The following SNTG2 variants were observed in gnomAD, a reference collection of about 807,000 sequenced individuals.
SNTG2 encodes the protein syntrophin gamma 2.
SNTG2 carries 74 observed loss-of-function variants against 70.9 expected under a neutral mutation model. The ratio of observed to expected loss-of-function variants is 1.04; its 90% CI spans 0.86 to 1.27. The LOEUF (loss-of-function observed/expected upper bound fraction) is 1.27. Ranked by LOEUF, SNTG2 falls within the 50% of genes most tolerant of loss-of-function variation. The probability of loss-of-function intolerance (pLI) is 0.00; values close to 1 mark genes in which losing one functional copy is unlikely to be tolerated. For synonymous variants in SNTG2, 278 were observed against 273.8 expected, an observed-to-expected ratio of 1.02 and a Z score of -0.15; for missense variants, 717 against 690.7, an observed-to-expected ratio of 1.04 and a Z score of -0.43.
At chr2:951,549 TGG>T (rs1659963245) in intron 1 of SNTG2, among the ~76,000 whole-genome samples, 1 of 152,216 alleles carries the variant, frequency 6.6e-6, no homozygotes, top group African/African-American at 2.4e-5. Flanking sequence ...CGGCAGGTGC[TGG>T]GGGCTCTAGG....
intron 16 of SNTG2, among the ~76,000 whole-genome samples, chr2:1,359,759 T>C (rs1434659015): frequency 3.3e-5 from 5 of 152,192 alleles, no homozygotes; most frequent in Non-Finnish European, 7.4e-5. Context: ...AATTGCGAAT[T>C]TCTATTTAGG....
chr2:979,699 G>A (rs1193691340), intron 1 of SNTG2, among the ~76,000 whole-genome samples: 2 of 152,088 alleles, frequency 1.3e-5, no homozygotes, highest in Admixed American at 1.3e-4. Context: ...TCTCAAGACC[G>A]GGAACAAATC....
rs556739984 is a variant in SNTG2 at position 1,023,446 on chromosome 2, A to G, written c.73-60072A>G. On this transcript the variant is annotated intron_variant, in intron 1 of 16. Transcript: ENST00000308624. ...TAAATTTTCTGCAGTCAGAATGTGC[A>G]AATAGTTGATGTTGTCTTTATTTTC... Among the ~76,000 whole-genome samples, 11 of 152,294 alleles carry G rather than the reference A, an allele frequency of 7.2e-5. No individual in the cohort carries two copies. The South Asian group carries it at 2.3e-3, about 32-fold the overall frequency.
intron 4 of SNTG2, among the ~76,000 whole-genome samples, chr2:1,115,574 A>G (rs1666902490): frequency 6.6e-6 from 1 of 151,044 alleles, no homozygotes. Flanking sequence ...AATCTTGTGT[A>G]CTAAGTGAGG....
chr2:957,642 A>G (rs1304561308), intron 1 of SNTG2, among the ~76,000 whole-genome samples: 2 of 152,010 alleles, frequency 1.3e-5, no homozygotes, highest in African/African-American at 4.8e-5. Flanking sequence ...GGCAGCTACA[A>G]TGTGTTCCCT....
intron 2 of SNTG2, among the ~76,000 whole-genome samples, chr2:1,096,631 C>T (rs1277263246): frequency 6.6e-6 from 1 of 152,182 alleles, no homozygotes; most frequent in Non-Finnish European, 1.5e-5. Context: ...CAGGCTCATC[C>T]ATGTTGCCAC....
intron 1 of SNTG2, among the ~76,000 whole-genome samples, chr2:968,156 A>G (rs940974410): frequency 6.6e-6 from 1 of 151,272 alleles, no homozygotes; most frequent in East Asian, 1.9e-4. Flanking sequence ...TTTTTTAACT[A>G]TAAATTCAGC....
At chr2:1,342,202 T>C (rs1660142201) in intron 16 of SNTG2, among the ~76,000 whole-genome samples, 1 of 150,574 alleles carries the variant, frequency 6.6e-6, no homozygotes, top group Non-Finnish European at 1.5e-5. Context: ...GGCCGGTTTC[T>C]TGCTTCTGGC....
At chr2:1,245,909 C>T (rs910913494) in intron 11 of SNTG2, among the ~76,000 whole-genome samples, 8 of 152,002 alleles carry the variant, frequency 5.3e-5, no homozygotes, top group South Asian at 2.1e-4. Context: ...GAATTCTACC[C>T]GTTTCATGAT....
intron 13 of SNTG2, among the ~76,000 whole-genome samples, chr2:1,264,988 G>T (rs1678643993): frequency 6.6e-6 from 1 of 152,212 alleles, no homozygotes; most frequent in East Asian, 1.9e-4. Context: ...AGTTTTAGGG[G>T]AGTCAAAAGT....
intron 16 of SNTG2, among the ~76,000 whole-genome samples, chr2:1,365,878 G>A (rs1377183000): frequency 2.0e-5 from 3 of 152,182 alleles, no homozygotes; most frequent in Non-Finnish European, 4.4e-5. Context: ...AAGCAGCTCC[G>A]AAAAGCTGAG....
chr2:1,243,886 CGTG>C (rs1677212489), intron 11 of SNTG2, among the ~76,000 whole-genome samples: 1 of 152,178 alleles, frequency 6.6e-6, no homozygotes, highest in Admixed American at 6.5e-5. Context: ...ATTAGCCGGG[CGTG>C]GTGGCACGCG....
At chr2:1,230,843 C>G (rs1204164519) in intron 9 of SNTG2, among the ~76,000 whole-genome samples, 2 of 152,230 alleles carry the variant, frequency 1.3e-5, no homozygotes, top group African/African-American at 4.8e-5. Context: ...CATAGGGTCA[C>G]TGCAGGGGTG....
At position 1,203,664 on chromosome 2, in the gene SNTG2, A is replaced by C. The variant is rs868163016; in HGVS notation, c.592-5439A>C. Among the ~76,000 whole-genome samples, 433 of 57,188 alleles carry C rather than the reference A, an allele frequency of 7.6e-3. 3 individuals carry two copies. Among genetic ancestry groups the C allele is most frequent in the African/African-American group, 0.016 (289 of 17,706 alleles). The allele number at this position is 57,188 out of a possible 152,430, so 37.5% of individuals were successfully genotyped here. On this transcript the variant is annotated intron_variant, in intron 8 of 16. Coordinates refer to ENST00000308624, the MANE Select transcript of SNTG2 (RefSeq NM_018968.4). ...GTGAGACCTTGTCTCAAAAACAAAC[A>C]AAAAAAAAAATATATATATATATAT...
intron 4 of SNTG2, among the ~76,000 whole-genome samples, chr2:1,128,975 G>T (rs1324572254): frequency 6.6e-6 from 1 of 152,094 alleles, no homozygotes; most frequent in East Asian, 1.9e-4. Context: ...TCTACTTCCA[G>T]TGCTGAAGGG....
intron 1 of SNTG2, among the ~76,000 whole-genome samples, chr2:955,722 C>T (rs1053302542): frequency 2.6e-5 from 4 of 152,188 alleles, no homozygotes; most frequent in South Asian, 2.1e-4. Context: ...GTTCGTTGAG[C>T]GGGTGTTTAG....
intron 6 of SNTG2, among the ~76,000 whole-genome samples, chr2:1,148,810 A>G (rs1452106810): frequency 2.3e-5 from 3 of 127,942 alleles, no homozygotes; most frequent in African/African-American, 9.0e-5. Context: ...GGAAGTGAGG[A>G]GAGAAGGTGA....
At chr2:1,076,032 G>A (rs1028418732) in intron 1 of SNTG2, among the ~76,000 whole-genome samples, 3 of 152,310 alleles carry the variant, frequency 2.0e-5, no homozygotes, top group East Asian at 1.9e-4. Flanking sequence ...GTCGTCGGAC[G>A]TGTCTGTGGC....
intron 1 of SNTG2, among the ~76,000 whole-genome samples, chr2:997,078 A>G (rs1312514391): frequency 1.3e-5 from 2 of 152,060 alleles, no homozygotes; most frequent in East Asian, 3.9e-4. Context: ...TCTCTTACTC[A>G]CTGTACCTTT....
Sources: gnomAD v4.1 joint callset for allele counts (sites outside exome capture counted in the v4.1 genomes callset) on GRCh38, gnomAD v4.1.1 for gene constraint, MANE v1.5 for transcripts, NCBI Gene and HGNC (gene_info 2026-07-23, HGNC 2026-07-21) for gene names.